Variants in TEAD1 observed in about 807,000 individuals in gnomAD.
The protein encoded by TEAD1 is TEA domain transcription factor 1, also known as transcriptional enhancer factor TEF-1.
TEAD1 carries 9 observed loss-of-function variants against 54.9 expected under a neutral mutation model. The ratio of observed to expected loss-of-function variants is 0.16; its 90% CI spans 0.10 to 0.29. The LOEUF is 0.29. Among genes scored for constraint, TEAD1 ranks in the 10% least tolerant of loss-of-function variants. TEAD1 has a pLI of 1.00. For synonymous variants in TEAD1, 200 were observed against 187.8 expected, an observed-to-expected ratio of 1.07 and a Z score of -0.53; for missense variants, 387 against 535.9, an observed-to-expected ratio of 0.72 and a Z score of 2.74.
In TEAD1 at chr11:12,891,477, G is replaced by T. The variant is rs140908235; in HGVS notation, c.699+8352G>T. 6.0e-3 allele frequency among the ~76,000 whole-genome samples: 918 copies of T among 152,332 alleles called. 6 individuals are homozygous for T. The highest frequency in any genetic ancestry group is 8.9e-3 in the Non-Finnish European group (604 of 68,032). On this transcript the variant is annotated intron_variant, in intron 9 of 12. Transcript: ENST00000527636. ...TATGGAGATAAAATTAAAAAGCCTT[G>T]TGGATTAATGAGCTGTGAGAAGAGG...
At chr11:12,894,071 C>G (rs1313547729) in intron 9 of TEAD1, among the ~76,000 whole-genome samples, 1 of 152,154 alleles carries the variant, frequency 6.6e-6, no homozygotes, top group Non-Finnish European at 1.5e-5. Context: ...GGTGATTTGT[C>G]CTTGTTCTGT....
At chr11:12,742,207 G>A (rs1210375572) in intron 2 of TEAD1, among the ~76,000 whole-genome samples, 4 of 152,212 alleles carry the variant, frequency 2.6e-5, no homozygotes, top group African/African-American at 9.7e-5. Context: ...TTCAAGGTGT[G>A]ATGAACCTGG....
chr11:12,772,473 T>C (rs530268167), intron 3 of TEAD1, among the ~76,000 whole-genome samples: 17 of 152,182 alleles, frequency 1.1e-4, no homozygotes, highest in Non-Finnish European at 2.4e-4. Context: ...ATTGCTTCTC[T>C]CAAATGAAGG....
At chr11:12,674,938 C>G (rs1780664182) in intron 1 of TEAD1, 104 bp downstream of exon 1, 1 of 145,518 alleles carries the variant, frequency 6.9e-6, no homozygotes, top group African/African-American at 2.5e-5. Flanking sequence ...GCGGGCTCTG[C>G]TTTGTGTGCG....
intron 3 of TEAD1, among the ~76,000 whole-genome samples, chr11:12,814,492 G>C (rs1946373576): frequency 6.6e-6 from 1 of 152,162 alleles, no homozygotes; most frequent in African/African-American, 2.4e-5. Flanking sequence ...GCTGGGCAAG[G>C]GAAGGCACCT....
intron 3 of TEAD1, among the ~76,000 whole-genome samples, chr11:12,814,857 C>CTG (rs149307000): frequency 7.0e-6 from 1 of 142,910 alleles, no homozygotes; most frequent in Admixed American, 7.0e-5. Context: ...CCGTCCCGAG[C>CTG]TGTGTGTGTG....
At chr11:12,833,626 A>G (rs999665610) in intron 3 of TEAD1, among the ~76,000 whole-genome samples, 3 of 147,092 alleles carry the variant, frequency 2.0e-5, no homozygotes, top group Non-Finnish European at 4.5e-5. Context: ...CCATGCTACT[A>G]AAAAAAAAAG....
chr11:12,838,715 G>A (rs934527941), intron 3 of TEAD1, among the ~76,000 whole-genome samples: 11 of 152,158 alleles, frequency 7.2e-5, no homozygotes, highest in Non-Finnish European at 1.6e-4. Context: ...TTTGTCATCA[G>A]CAAAATTGAA....
chr11:12,917,914 T>C (rs1159326314), intron 10 of TEAD1, among the ~76,000 whole-genome samples: 1 of 152,176 alleles, frequency 6.6e-6, no homozygotes, highest in Non-Finnish European at 1.5e-5. Context: ...GAAGATGGGA[T>C]ATGGTTTGAC....
intron 2 of TEAD1, among the ~76,000 whole-genome samples, chr11:12,692,276 A>G (rs971681541): frequency 1.3e-5 from 2 of 152,162 alleles, no homozygotes; most frequent in Non-Finnish European, 2.9e-5. Context: ...ACACGCTCTA[A>G]TGCTTTCTTC....
At chr11:12,831,206 T>G (rs993514297) in intron 3 of TEAD1, among the ~76,000 whole-genome samples, 2 of 152,144 alleles carry the variant, frequency 1.3e-5, no homozygotes, top group Non-Finnish European at 2.9e-5. Context: ...CTTCTAACTC[T>G]CCCCAGCCCT....
At chr11:12,898,034 T>G (rs1948346270) in intron 9 of TEAD1, among the ~76,000 whole-genome samples, 1 of 152,138 alleles carries the variant, frequency 6.6e-6, no homozygotes, top group Non-Finnish European at 1.5e-5. Flanking sequence ...GTAAAATGAT[T>G]TAAATTAAAT....
At chr11:12,701,904 A>C (rs959335541) in intron 2 of TEAD1, among the ~76,000 whole-genome samples, 6 of 152,234 alleles carry the variant, frequency 3.9e-5, no homozygotes, top group African/African-American at 1.4e-4. Flanking sequence ...AAGAAATTCT[A>C]TCCAAAGAGT....
At chr11:12,924,413 A>T (rs75125275) in intron 10 of TEAD1, among the ~76,000 whole-genome samples, 115 of 152,346 alleles carry the variant, frequency 7.5e-4, no homozygotes, top group African/African-American at 2.4e-3. Flanking sequence ...AATGAATGGC[A>T]ACTTAAGTCA....
At chr11:12,725,859 A>G (rs1197299302) in intron 2 of TEAD1, among the ~76,000 whole-genome samples, 1 of 152,216 alleles carries the variant, frequency 6.6e-6, no homozygotes, top group East Asian at 1.9e-4. Context: ...TGTAAGCAAC[A>G]CAAATCACTG....
At chr11:12,779,992 A>G (rs1945510636) in intron 3 of TEAD1, among the ~76,000 whole-genome samples, 1 of 152,196 alleles carries the variant, frequency 6.6e-6, no homozygotes, top group Non-Finnish European at 1.5e-5. Flanking sequence ...TTTCCTTCTA[A>G]GATCAGGAGC....
chr11:12,860,982 C>G (rs1947487976), intron 3 of TEAD1, among the ~76,000 whole-genome samples: 2 of 152,224 alleles, frequency 1.3e-5, no homozygotes, highest in African/African-American at 4.8e-5. Flanking sequence ...GTGAATGCCA[C>G]AGCAGCAAGC....
intron 2 of TEAD1, among the ~76,000 whole-genome samples, chr11:12,692,338 T>C (rs1943475645): frequency 6.6e-6 from 1 of 152,206 alleles, no homozygotes; most frequent in Non-Finnish European, 1.5e-5. Flanking sequence ...TTTTTTGTTT[T>C]GTTGGTGAAA....
At chr11:12,692,411 T>G (rs1943477685) in intron 2 of TEAD1, among the ~76,000 whole-genome samples, 2 of 152,222 alleles carry the variant, frequency 1.3e-5, no homozygotes, top group Admixed American at 1.3e-4. Flanking sequence ...TGAATAGTCC[T>G]GAAATTATCA....
Sources: allele counts gnomAD v4.1 joint callset (sites outside exome capture counted in the v4.1 genomes callset), GRCh38; gene constraint gnomAD v4.1.1; transcripts MANE v1.5; gene names NCBI Gene and HGNC (gene_info 2026-07-23, HGNC 2026-07-21).